Variants in SYN3 observed in about 807,000 individuals in gnomAD.
SYN3 encodes synapsin III.
In SYN3, 35 loss-of-function variants were observed where a neutral mutation model predicts 65.8. The observed-to-expected ratio is 0.53, with a 90% confidence interval of 0.41 to 0.70. The LOEUF is 0.70. Ranked by LOEUF, SYN3 falls within the 30% of genes least tolerant of loss-of-function variation. The pLI is 0.00. For missense variants in SYN3, 680 were observed against 749.0 expected (o/e 0.91, Z 1.08); for synonymous variants, 270 against 292.9 (o/e 0.92, Z 0.80).
At chr22:32,566,544 TG>T in intron 7 of SYN3, among the ~76,000 whole-genome samples, 1 of 152,252 alleles carries the variant, frequency 6.6e-6, no homozygotes, top group Non-Finnish European at 1.5e-5. Context: ...TGTTAAGAGA[TG>T]GGTACAACAG....
At chr22:32,762,291 C>T (rs953505013) in intron 6 of SYN3, among the ~76,000 whole-genome samples, 1 of 151,210 alleles carries the variant, frequency 6.6e-6, no homozygotes, top group African/African-American at 2.4e-5. Flanking sequence ...GGACTGGCAC[C>T]CTCTTCTCCC....
At chr22:33,041,294 CTT>C (rs531793626) in intron 1 of SYN3, among the ~76,000 whole-genome samples, 21 of 129,272 alleles carry the variant, frequency 1.6e-4, no homozygotes, top group African/African-American at 1.7e-4. Flanking sequence ...GGAACTCTTT[CTT>C]TTTTTTTTTT....
At chr22:32,679,054 T>C (rs900107949) in intron 6 of SYN3, among the ~76,000 whole-genome samples, 4 of 136,872 alleles carry the variant, frequency 2.9e-5, no homozygotes, top group Admixed American at 7.2e-5. Flanking sequence ...CTTTCTTTTT[T>C]TTTTTTTTTT....
At chr22:32,524,838 A>G (rs130449) in intron 12 of SYN3, among the ~76,000 whole-genome samples, 103,361 of 151,976 alleles carry the variant, frequency 0.68, 35,510 homozygotes, top group East Asian at 0.82. Flanking sequence ...GTGAAACTCC[A>G]TCTCTACTAA....
At chr22:32,668,665 A>G (rs1449605426) in intron 6 of SYN3, among the ~76,000 whole-genome samples, 2 of 152,156 alleles carry the variant, frequency 1.3e-5, no homozygotes. Flanking sequence ...AGGGACAAAC[A>G]GCATGGAATT....
At position 32,905,722 on chromosome 22, in the gene SYN3, G is replaced by T. The variant is rs1020269057; in HGVS notation, c.461+25668C>A. On this transcript the variant is annotated intron_variant, in intron 4 of 13. Transcript: ENST00000358763. ...GGGTTTGAAGCAGGTCTGTGTGGCT[G>T]CAAGAGCCTGTATTCCCTGCACTCT... Among the ~76,000 whole-genome samples the T allele has an allele frequency of 2.6e-5, 4 of 152,342 alleles. No homozygotes were observed. The East Asian group carries it at 7.7e-4, about 29-fold the overall frequency.
chr22:33,033,073 T>C (rs764292048), intron 1 of SYN3, among the ~76,000 whole-genome samples: 35 of 151,776 alleles, frequency 2.3e-4, no homozygotes, highest in Non-Finnish European at 4.6e-4. Flanking sequence ...AGAGCAATGG[T>C]GTGACCTCAG....
At chr22:33,032,803 A>T (rs1049558145) in intron 1 of SYN3, among the ~76,000 whole-genome samples, 1 of 152,076 alleles carries the variant, frequency 6.6e-6, no homozygotes, top group South Asian at 2.1e-4. Context: ...ATTTGTAAGC[A>T]CCCCAACACC....
At chr22:33,007,225 T>C (rs553041991) in intron 1 of SYN3, among the ~76,000 whole-genome samples, 2 of 152,346 alleles carry the variant, frequency 1.3e-5, no homozygotes, top group South Asian at 2.1e-4. Flanking sequence ...CAATTTCATG[T>C]TCTAATGACA....
chr22:32,941,424 A>G (rs1399593445), intron 3 of SYN3, among the ~76,000 whole-genome samples: 1 of 152,006 alleles, frequency 6.6e-6, no homozygotes, highest in African/African-American at 2.4e-5. Context: ...TTTTTTGCGC[A>G]TTTGTTGCTA....
At chr22:32,965,608 G>C (rs767770869) in intron 3 of SYN3, among the ~76,000 whole-genome samples, 2 of 151,986 alleles carry the variant, frequency 1.3e-5, no homozygotes, top group Non-Finnish European at 2.9e-5. Context: ...GAGAGAGAGA[G>C]ACAGATAGAT....
intron 6 of SYN3, among the ~76,000 whole-genome samples, chr22:32,794,477 C>G (rs1395064836): frequency 6.6e-6 from 1 of 152,148 alleles, no homozygotes. Flanking sequence ...GATTCCAGAA[C>G]CTCTGTTGGG....
chr22:32,986,771 A>G (rs1365837), intron 2 of SYN3, among the ~76,000 whole-genome samples: 94,200 of 151,314 alleles, frequency 0.62, 29,711 homozygotes, highest in East Asian at 0.78. Context: ...ATCTCATAAT[A>G]AGCTCCCTGA....
intron 2 of SYN3, among the ~76,000 whole-genome samples, chr22:32,989,835 CAAAAA>C (rs112695934): frequency 1.1e-5 from 1 of 88,154 alleles, no homozygotes; most frequent in Non-Finnish European, 2.1e-5. Context: ...ACTCCATCTT[CAAAAA>C]AAAAAAAAAA....
intron 1 of SYN3, among the ~76,000 whole-genome samples, chr22:33,047,320 T>TTGAA (rs938924895): frequency 9.9e-5 from 15 of 152,160 alleles, no homozygotes; most frequent in African/African-American, 3.4e-4. Flanking sequence ...ATAATATTTG[T>TTGAA]TGAATGAATG....
chr22:32,952,230 C>CTGTGTGTGTGTGAATATTGAATGAG (rs1569352257), intron 3 of SYN3, among the ~76,000 whole-genome samples: 13 of 151,082 alleles, frequency 8.6e-5, no homozygotes, highest in African/African-American at 3.2e-4. Context: ...CATAGCATGC[C>CTGTGTGTGTGTGAATATTGAATGAG]TGTGTGTGTG....
At chr22:32,758,168 G>A (rs774006734) in intron 6 of SYN3, among the ~76,000 whole-genome samples, 3 of 152,090 alleles carry the variant, frequency 2.0e-5, no homozygotes, top group Non-Finnish European at 4.4e-5. Context: ...ATTTAGGTTG[G>A]GGATTGGTTT....
intron 7 of SYN3, among the ~76,000 whole-genome samples, chr22:32,547,140 G>C (rs1404334150): frequency 6.6e-6 from 1 of 151,966 alleles, no homozygotes; most frequent in African/African-American, 2.4e-5. Flanking sequence ...ATCACGCCTG[G>C]CTGTTTTTTC....
At chr22:32,541,383 G>T (rs76681007) in intron 8 of SYN3, among the ~76,000 whole-genome samples, 188 bp downstream of exon 8, 1,535 of 152,302 alleles carry the variant, frequency 0.01, 27 homozygotes, top group African/African-American at 0.035. Context: ...TGGGTAGACA[G>T]ATCTCTGCCC....
Sources: gnomAD v4.1 joint callset for allele counts (sites outside exome capture counted in the v4.1 genomes callset) on GRCh38, gnomAD v4.1.1 for gene constraint, MANE v1.5 for transcripts, NCBI Gene and HGNC (gene_info 2026-07-23, HGNC 2026-07-21) for gene names.